PANK4: variants seen among roughly 807,000 people sequenced by gnomAD.
PANK4 encodes the protein 4'-phosphopantetheine phosphatase.
A neutral mutation model predicts 87.9 loss-of-function variants in PANK4; 40 were observed. That is an observed-to-expected ratio of 0.46 (90% CI 0.35 to 0.59). The LOEUF (loss-of-function observed/expected upper bound fraction) is 0.59. PANK4 is among the 20% of genes least tolerant of loss of function. The probability of loss-of-function intolerance (pLI) is 0.00; values close to 1 mark genes in which losing one functional copy is unlikely to be tolerated. For missense variants in PANK4, 926 were observed against 1,072.3 expected (o/e 0.86, Z 1.90); for synonymous variants, 524 against 467.4 (o/e 1.12, Z -1.56).
At position 2,512,959 on chromosome 1, in the gene PANK4, T is replaced by C; in HGVS notation, c.1656A>G (p.Glu552=). 3 of 1,612,606 alleles carry C rather than the reference T, an allele frequency of 1.9e-6. No homozygotes were observed. The highest frequency in any genetic ancestry group is 2.5e-6 in the Non-Finnish European group (3 of 1,179,758). Residue 552 remains glutamate (E), a synonymous_variant, in exon 13 of 19, where the codon GAA becomes GAG. Transcript: ENST00000378466. ...VRSLDALGWE[E]RQLALVKGLL... is the part of the protein sequence containing the mutation. Reference sequence around the variant, plus strand: ...GGCCTTTCACCAGCGCCAGCTGCCGTTCCTCCCAGCCCAGCGCGTCCAGGG... The same window carrying C: ...GGCCTTTCACCAGCGCCAGCTGCCGCTCCTCCCAGCCCAGCGCGTCCAGGG...
rs531003899 is a variant in PANK4 at position 2,519,358 on chromosome 1, A to C, written c.854-34T>G. The C allele has an allele frequency of 1.2e-4, 171 of 1,466,140 alleles. No homozygotes were observed. In the Admixed American group the frequency reaches 1.2e-3, roughly 10 times the overall value. The allele number at this position is 1,466,140 out of a possible 1,614,324, so 90.8% of individuals were successfully genotyped here. A position where few individuals can be genotyped will look rare whatever the true frequency, so the allele number is the denominator to read the frequency against. On this transcript the variant is annotated intron_variant, in intron 6 of 18. Transcript: ENST00000378466. This position sits in a 1 kb window ranked among gnomAD's most constrained non-coding sequence, Gnocchi z 8.3. ...GGGAAGGAAAAGGCACTCATCTCCAAGTACAGCAAGTGCACGACATGAGAG... is the reference window on the plus strand; with the variant it reads ...GGGAAGGAAAAGGCACTCATCTCCACGTACAGCAAGTGCACGACATGAGAG...
chr1:2,521,161 T>G lies in PANK4; in HGVS notation c.362A>C (p.Gln121Pro), dbSNP rs1643871959. Residue 121 changes from glutamine to proline, a missense_variant, in exon 3 of 19, where the codon CAG (glutamine) becomes CCG (proline). Transcript: ENST00000378466. ...HLVNTETKVI[Q>P]ATGGGAYKFK... is the part of the protein sequence containing the mutation. The stretch of plus-strand genomic sequence containing the variant: ...CTTGTAGGCCCCGCCCCCGGTCGCC[T>G]GGATGACCTTGGTCTCTGTGTTGAC... 5.0e-6 allele frequency: 8 copies of G among 1,613,982 alleles called. No individual in the cohort carries two copies. Among genetic ancestry groups the G allele is most frequent in the Non-Finnish European group, 6.8e-6 (8 of 1,179,994 alleles).
intron 1 of PANK4, among the ~76,000 whole-genome samples, chr1:2,524,619 C>T (rs538624945): frequency 4.2e-4 from 64 of 152,298 alleles, no homozygotes; most frequent in African/African-American, 1.3e-3. Context: ...TCTAGGGCTG[C>T]GACAGCCCTT....
chr1:2,525,283 G>A (rs1643910666), intron 1 of PANK4, among the ~76,000 whole-genome samples: 1 of 152,116 alleles, frequency 6.6e-6, no homozygotes, highest in African/African-American at 2.4e-5. Flanking sequence ...AGCAGTCAGC[G>A]GCAGGCCCAT....
chr1:2,513,686 C>CTT (rs913245978), intron 12 of PANK4, among the ~76,000 whole-genome samples: 2 of 152,226 alleles, frequency 1.3e-5, no homozygotes, highest in African/African-American at 4.8e-5. Context: ...CTGGGAGGCC[C>CTT]TTGGCTCCTG....
intron 1 of PANK4, among the ~76,000 whole-genome samples, chr1:2,525,210 G>A (rs1043592978): frequency 2.6e-5 from 4 of 152,204 alleles, no homozygotes; most frequent in South Asian, 4.1e-4. Flanking sequence ...TGCACCAGGA[G>A]CACACAGCTC....
chr1:2,511,319 G>A lies in PANK4; in HGVS notation c.1833+19C>T, dbSNP rs1643657130. 6.3e-7 allele frequency: 1 copy of A among 1,586,020 alleles called. No individual in the cohort carries two copies. The highest frequency in any genetic ancestry group is 1.3e-5 in the African/African-American group (1 of 74,530). The stretch of plus-strand genomic sequence containing the variant: ...CCGCTGTGTCCCCAGCAGCAGAGGT[G>A]GGAGGCCCCTCCACATACCTTTAAT... On this transcript the variant is annotated intron_variant, in intron 15 of 18. Coordinates refer to ENST00000378466, the MANE Select transcript of PANK4 (RefSeq NM_018216.4).
intron 9 of PANK4, among the ~76,000 whole-genome samples, chr1:2,517,775 G>A (rs532415926): frequency 6.6e-6 from 1 of 152,376 alleles, no homozygotes; most frequent in African/African-American, 2.4e-5. Context: ...GTGCGGCAGA[G>A]CGCGCAGTCC....
In PANK4 at chr1:2,515,425, C is replaced by T. The variant is rs1367662159; in HGVS notation, c.1374+137G>A. The T allele has an allele frequency of 4.1e-6, 4 of 982,916 alleles. No homozygotes were observed. Among genetic ancestry groups the T allele is most frequent in the South Asian group, 2.7e-5 (2 of 74,802 alleles). 60.9% of individuals were successfully genotyped at this position (982,916 alleles called of 1,614,324 possible). A position where few individuals can be genotyped will look rare whatever the true frequency, so the allele number is the denominator to read the frequency against. ...GCCTGAGAAACCAAAATCGCCCCCT[C>T]ACTCAGACGCAGATCAAGGGGTTTC... On this transcript the variant is annotated intron_variant, in intron 10 of 18. Transcript: ENST00000378466. The surrounding 1 kb of genome is among the most constrained non-coding windows in gnomAD (Gnocchi z 5.0).
At position 2,510,384 on chromosome 1, in the gene PANK4, G is replaced by A; in HGVS notation, c.1939-227C>T. ...AGCTGAGTTTAGAGCCTGCCCCTGGGACCTGCCTGTCTGTGAAGTCACAGC... is the reference window on the plus strand; with the variant it reads ...AGCTGAGTTTAGAGCCTGCCCCTGGAACCTGCCTGTCTGTGAAGTCACAGC... On this transcript the variant is annotated intron_variant, in intron 16 of 18. Coordinates refer to ENST00000378466, the MANE Select transcript of PANK4 (RefSeq NM_018216.4). The surrounding 1 kb of genome is among the most constrained non-coding windows in gnomAD (Gnocchi z 4.9). 2 of 582,614 alleles carry A rather than the reference G, an allele frequency of 3.4e-6. No homozygotes were observed. The highest frequency in any genetic ancestry group is 2.0e-5 in the South Asian group (1 of 49,750). 36.1% of individuals were successfully genotyped at this position (582,614 alleles called of 1,614,324 possible).
chr1:2,521,313 G>A lies in PANK4; in HGVS notation c.210C>T (p.Asp70=). 6.2e-7 allele frequency: 1 copy of A among 1,612,466 alleles called. No individual in the cohort carries two copies. ...KVRSFDHSGK[D]TEREHEPPYE... ...AGGGCGGCTCATGTTCACGTTCTGT[G>A]TCCTGGAAAACAGAGTAGGGGAGGC... The change falls in exon 3 of 19, where the codon GAC becomes GAT. Residue 70 remains aspartate, a splice_region_variant and synonymous_variant. Coordinates refer to ENST00000378466, the MANE Select transcript of PANK4 (RefSeq NM_018216.4).
In PANK4 at chr1:2,509,519, A is replaced by G. The variant is rs777648034; in HGVS notation, c.2108+343T>C. 2.6e-5 allele frequency among the ~76,000 whole-genome samples: 4 copies of G among 152,184 alleles called. No homozygotes were observed. The highest frequency in any genetic ancestry group is 5.9e-5 in the Non-Finnish European group (4 of 68,024). On this transcript the variant is annotated intron_variant, in intron 18 of 18. Coordinates refer to ENST00000378466, the MANE Select transcript of PANK4 (RefSeq NM_018216.4). The surrounding 1 kb of genome is among the most constrained non-coding windows in gnomAD (Gnocchi z 4.9). ...ATGACCTCCAGAACCACAGAAGCAG[A>G]GCCTGGCATCTATGTGGGACACGGA...
At chr1:2,523,811 G>C (rs1472427347) in intron 1 of PANK4, among the ~76,000 whole-genome samples, 1 of 152,244 alleles carries the variant, frequency 6.6e-6, no homozygotes, top group Non-Finnish European at 1.5e-5. Flanking sequence ...GGACCCCTCG[G>C]AATCACAGCA....
chr1:2,522,937 A>G (rs3001351), intron 1 of PANK4, among the ~76,000 whole-genome samples: 102,175 of 119,474 alleles, frequency 0.86, 42,513 homozygotes, highest in East Asian at 0.96. Context: ...GTGACTTAAC[A>G]GAGGGGACCG....
chr1:2,518,620 G>A (rs1220907287), intron 7 of PANK4, 23 bp from the exon 8 acceptor site: 1 of 1,546,816 alleles, frequency 6.5e-7, no homozygotes, highest in Non-Finnish European at 8.8e-7. Flanking sequence ...AAGCACACGT[G>A]CTGCTGTTGG....
At position 2,510,830 on chromosome 1, in the gene PANK4, C is replaced by A; in HGVS notation, c.1834-48G>T. ...TCAGTTGGGAACAGGCGCATCCAAG[C>A]GAGTCAGTCCGCACCCCTGCTGCCC... On this transcript the variant is annotated intron_variant, in intron 15 of 18. Coordinates refer to ENST00000378466, the MANE Select transcript of PANK4 (RefSeq NM_018216.4). This position sits in a 1 kb window ranked among gnomAD's most constrained non-coding sequence, Gnocchi z 4.9. 9.2e-7 allele frequency: 1 copy of A among 1,086,478 alleles called. No individual in the cohort carries two copies. Among genetic ancestry groups the A allele is most frequent in the Non-Finnish European group, 1.4e-6 (1 of 700,604 alleles). The allele number at this position is 1,086,478 out of a possible 1,614,324, so 67.3% of individuals were successfully genotyped here.
In PANK4 at chr1:2,515,815, G is replaced by A. The variant is rs1477689810; in HGVS notation, c.1219-98C>T. 2 of 1,184,314 alleles carry A rather than the reference G, an allele frequency of 1.7e-6. No homozygotes were observed. The highest frequency in any genetic ancestry group is 1.2e-6 in the Non-Finnish European group (1 of 830,324). The allele number at this position is 1,184,314 out of a possible 1,614,324, so 73.4% of individuals were successfully genotyped here. A position where few individuals can be genotyped will look rare whatever the true frequency, so the allele number is the denominator to read the frequency against. On this transcript the variant is annotated intron_variant, in intron 9 of 18. Coordinates refer to ENST00000378466, the MANE Select transcript of PANK4 (RefSeq NM_018216.4). This position sits in a 1 kb window ranked among gnomAD's most constrained non-coding sequence, Gnocchi z 5.0. Reference sequence around the variant, plus strand: ...CCACTCTCTCTCTAAGAAGGGAGATGTACTGCCTTCTTCCGCCACGTCTCT... The same window carrying A: ...CCACTCTCTCTCTAAGAAGGGAGATATACTGCCTTCTTCCGCCACGTCTCT...
Position 2,514,346 on chromosome 1 carries a change from G to A in PANK4, c.1487+8C>T, listed in dbSNP as rs770475994. 1.5e-5 allele frequency: 24 copies of A among 1,593,156 alleles called. No homozygotes were observed. The highest frequency in any genetic ancestry group is 6.9e-6 in the Non-Finnish European group (8 of 1,162,416). ...AGGTGGCCACACACCGGGGTGCTGG[G>A]CACTTACAAGGGCTGCTGCCTCAGG... On this transcript the variant is annotated splice_region_variant and intron_variant, in intron 11 of 18. Coordinates refer to ENST00000378466, the MANE Select transcript of PANK4 (RefSeq NM_018216.4).
rs773537906 is a variant in PANK4, at chr1:2,509,439, G to C, written c.2109-379C>G. On this transcript the variant is annotated intron_variant, in intron 18 of 18. Coordinates refer to ENST00000378466, the MANE Select transcript of PANK4 (RefSeq NM_018216.4). This position sits in a 1 kb window ranked among gnomAD's most constrained non-coding sequence, Gnocchi z 4.9. ...GCACTCAGAACCCGCTCATTTAAGG[G>C]GTTCCTTCCTCCTCTGCAATCAGGA... 3.3e-5 allele frequency among the ~76,000 whole-genome samples: 5 copies of C among 152,154 alleles called. No individual in the cohort carries two copies. Among genetic ancestry groups the C allele is most frequent in the Non-Finnish European group, 7.3e-5 (5 of 68,034 alleles).
Sources: allele counts gnomAD v4.1 joint callset (sites outside exome capture counted in the v4.1 genomes callset), GRCh38; gene constraint gnomAD v4.1.1; non-coding constraint Gnocchi (gnomAD v3.1); transcripts MANE v1.5; gene names NCBI Gene and HGNC (gene_info 2026-07-23, HGNC 2026-07-21).